The following CCDC102A variants were observed in gnomAD, a reference collection of about 807,000 sequenced individuals.
The protein encoded by CCDC102A is coiled-coil domain containing 102A, also known as coiled-coil domain-containing protein 102A.
In CCDC102A, 40 loss-of-function variants were observed where a neutral mutation model predicts 55.5. The ratio of observed to expected loss-of-function variants is 0.72; its 90% CI spans 0.56 to 0.94. The LOEUF (loss-of-function observed/expected upper bound fraction) is 0.94, where lower values mean the gene tolerates loss of function less well. CCDC102A is among the 40% of genes least tolerant of loss of function. The probability of loss-of-function intolerance (pLI) is 0.00; values close to 1 mark genes in which losing one functional copy is unlikely to be tolerated. For synonymous variants in CCDC102A, 323 were observed against 339.0 expected, an observed-to-expected ratio of 0.95 and a Z score of 0.52; for missense variants, 779 against 768.6, an observed-to-expected ratio of 1.01 and a Z score of -0.16.
Position 57,529,128 on chromosome 16 carries a change from T to A in CCDC102A, c.50A>T (p.Lys17Met). 8.4e-7 allele frequency: 1 copy of A among 1,185,002 alleles called. No homozygotes were observed. The highest frequency in any genetic ancestry group is 1.0e-6 in the Non-Finnish European group (1 of 957,480). The allele number at this position is 1,185,002 out of a possible 1,614,324, so 73.4% of individuals were successfully genotyped here. Residue 17 changes from lysine to methionine, a missense_variant, in exon 2 of 9, where the codon AAG (lysine) becomes ATG (methionine). By Grantham distance (95) the Lys-to-Met change is moderately conservative. Coordinates refer to ENST00000258214, the MANE Select transcript of CCDC102A (RefSeq NM_033212.4). The surrounding 1 kb of genome is among the most constrained non-coding windows in gnomAD (Gnocchi z 4.1). ...GCCCAGGATGGTCAGGAGGCTGCCC[T>A]TGGACAGCTGCGGGGACTCGGCCAG... ...PRLAESPQLS[K>M]GSLLTILGSP...
At chr16:57,534,641 T>C (rs1194784574) in intron 1 of CCDC102A, among the ~76,000 whole-genome samples, 5 of 152,298 alleles carry the variant, frequency 3.3e-5, no homozygotes, top group South Asian at 4.1e-4. Flanking sequence ...GGGCCCAGCA[T>C]ACAGCAGATG....
intron 3 of CCDC102A, among the ~76,000 whole-genome samples, chr16:57,525,021 C>A (rs758411676): frequency 6.6e-6 from 1 of 152,208 alleles, no homozygotes; most frequent in Non-Finnish European, 1.5e-5. Context: ...GGGCTGGATC[C>A]TCTGACCAGT....
At chr16:57,531,962 C>T (rs1401973895) in intron 1 of CCDC102A, among the ~76,000 whole-genome samples, 1 of 152,186 alleles carries the variant, frequency 6.6e-6, no homozygotes, top group African/African-American at 2.4e-5. Context: ...TGCTGCTCAG[C>T]GACCCCGCTG....
Position 57,528,851 on chromosome 16 carries a change from G to A in CCDC102A, c.327C>T (p.Ser109=). 1 of 1,343,600 alleles carries A rather than the reference G, an allele frequency of 7.4e-7. No homozygotes were observed. The highest frequency in any genetic ancestry group is 9.6e-7 in the Non-Finnish European group (1 of 1,038,624). The allele number at this position is 1,343,600 out of a possible 1,614,324, so 83.2% of individuals were successfully genotyped here. ...DCTANWREKW[S]KVRAERNRAR... ...CGCGGTTGCGCTCAGCGCGCACCTTGCTCCATTTCTCGCGCCAATTGGCAG... is the reference window on the plus strand; with the variant it reads ...CGCGGTTGCGCTCAGCGCGCACCTTACTCCATTTCTCGCGCCAATTGGCAG... Residue 109 remains serine, a synonymous_variant, in exon 2 of 9, where the codon AGC becomes AGT. Coordinates refer to ENST00000258214, the MANE Select transcript of CCDC102A (RefSeq NM_033212.4).
In CCDC102A at chr16:57,512,791, C is replaced by T; in HGVS notation, c.1603G>A (p.Gly535Arg). The T allele has an allele frequency of 6.2e-7, 1 of 1,614,164 alleles. No homozygotes were observed. The highest frequency in any genetic ancestry group is 8.5e-7 in the Non-Finnish European group (1 of 1,179,988). The change falls in exon 9 of 9, where the codon GGA becomes AGA. Residue 535 changes from glycine (G) to arginine (R), a missense_variant. Transcript: ENST00000258214. ...ARFGTEEAED[G>R]TSDLDEDEDL... Reference sequence around the variant, plus strand: ...TCGTCCTCGTCCAGGTCACTGGTTCCATCCTCGGCCTCCTCGGTGCCAAAG... The same window carrying T: ...TCGTCCTCGTCCAGGTCACTGGTTCTATCCTCGGCCTCCTCGGTGCCAAAG...
At chr16:57,535,627 A>AC (rs1227736175) in intron 1 of CCDC102A, among the ~76,000 whole-genome samples, 4 of 126,878 alleles carry the variant, frequency 3.2e-5, no homozygotes, top group Non-Finnish European at 6.7e-5. Context: ...ACCCAGCCCC[A>AC]CCCCGACCCC....
intron 1 of CCDC102A, among the ~76,000 whole-genome samples, chr16:57,533,716 G>A (rs12924156): frequency 0.02 from 2,975 of 149,458 alleles, 48 homozygotes; most frequent in Non-Finnish European, 0.032. Context: ...ATACAGCCCC[G>A]GTAATGCACA....
intron 1 of CCDC102A, among the ~76,000 whole-genome samples, chr16:57,530,591 A>G (rs1201099453): frequency 1.3e-5 from 2 of 151,822 alleles, no homozygotes; most frequent in African/African-American, 4.8e-5. Flanking sequence ...CAGATGATCT[A>G]TCGTCATGAT....
At position 57,528,986 on chromosome 16, in the gene CCDC102A, C is replaced by T. The variant is rs754271790; in HGVS notation, c.192G>A (p.Leu64=). Residue 64 remains leucine, a synonymous_variant, in exon 2 of 9, where the codon CTG becomes CTA. Coordinates refer to ENST00000258214, the MANE Select transcript of CCDC102A (RefSeq NM_033212.4). ...ALPLPPAPAL[L]ADGDWESREE... ...CGCGGCTCTCCCAGTCGCCGTCGGC[C>T]AGCAGCGCGGGCGCGGGGGGCAGGG... 21 of 1,209,086 alleles carry T rather than the reference C, an allele frequency of 1.7e-5. No individual in the cohort carries two copies. In the African/African-American group the frequency reaches 3.5e-4, roughly 20 times the overall value. The allele number at this position is 1,209,086 out of a possible 1,614,324, so 74.9% of individuals were successfully genotyped here. A position where few individuals can be genotyped will look rare whatever the true frequency, so the allele number is the denominator to read the frequency against.
intron 8 of CCDC102A, among the ~76,000 whole-genome samples, chr16:57,514,942 C>T (rs562628528): frequency 1.1e-4 from 16 of 152,160 alleles, no homozygotes; most frequent in Non-Finnish European, 1.6e-4. Flanking sequence ...GGCCCCTCCA[C>T]GAGTCCCTGC....
Position 57,518,749 on chromosome 16 carries a change from G to T in CCDC102A, c.922-8C>A. On this transcript the variant is annotated splice_region_variant and splice_polypyrimidine_tract_variant and intron_variant, in intron 4 of 8. Transcript: ENST00000258214. ...CTCCTTCAGGATGCTGAGCTGCAGG[G>T]ATAAGGCCCCACCTGGTCATGAGAA... The T allele has an allele frequency of 6.3e-7, 1 of 1,590,836 alleles. No homozygotes were observed. The highest frequency in any genetic ancestry group is 1.1e-5 in the South Asian group (1 of 88,328).
intron 3 of CCDC102A, among the ~76,000 whole-genome samples, chr16:57,524,755 C>T (rs966605619): frequency 9.3e-5 from 14 of 151,106 alleles, no homozygotes; most frequent in African/African-American, 3.2e-4. Context: ...ATGCTATTGT[C>T]GTATTTAATT....
chr16:57,514,317 G>A lies in CCDC102A; in HGVS notation c.1523+1024C>T, dbSNP rs114187101. ...TGAGCTCAAGTGATCCTCCTGCCTC[G>A]GTCTCCCAAGTAGCTGGAACTACAG... On this transcript the variant is annotated intron_variant, in intron 8 of 8. Coordinates refer to ENST00000258214, the MANE Select transcript of CCDC102A (RefSeq NM_033212.4). Among the ~76,000 whole-genome samples, 548 of 152,036 alleles carry A rather than the reference G, an allele frequency of 3.6e-3. 5 individuals carry two copies. The highest frequency in any genetic ancestry group is 0.013 in the African/African-American group (528 of 41,418).
Position 57,529,247 on chromosome 16 carries a change from G to A in CCDC102A, c.-70C>T. ...AGGGGCGGCTCCGGGGACGCGCGGC[G>A]GGCGCGATACAACTGTGCATGATGA... On this transcript the variant is annotated 5_prime_UTR_variant, in exon 2 of 9. Transcript: ENST00000258214. This position sits in a 1 kb window ranked among gnomAD's most constrained non-coding sequence, Gnocchi z 4.1. 1 of 1,128,226 alleles carries A rather than the reference G, an allele frequency of 8.9e-7. No individual in the cohort carries two copies. 69.9% of individuals were successfully genotyped at this position (1,128,226 alleles called of 1,614,324 possible).
At chr16:57,528,509 C>T (rs1248139626) in intron 2 of CCDC102A, 84 bp downstream of exon 2, 1 of 993,226 alleles carries the variant, frequency 1.0e-6, no homozygotes, top group Non-Finnish European at 1.2e-6. Flanking sequence ...CCTTTACTAG[C>T]TTGTTTCTGA....
chr16:57,531,887 A>T (rs1436053766), intron 1 of CCDC102A, among the ~76,000 whole-genome samples: 1 of 152,218 alleles, frequency 6.6e-6, no homozygotes. Flanking sequence ...CAGGCATTGG[A>T]GGTCTACACC....
At chr16:57,520,177 C>T (rs1485771898) in intron 4 of CCDC102A, among the ~76,000 whole-genome samples, 2 of 152,172 alleles carry the variant, frequency 1.3e-5, no homozygotes. Flanking sequence ...CTACAAGGCC[C>T]CCTCCTGCGG....
chr16:57,528,530 T>A lies in CCDC102A; in HGVS notation c.585+63A>T, dbSNP rs374876881. ...CTAGCTTGTTTCTGAGCCCAGCAGC[T>A]CAGGACAATCGGCCCCGCCCACTTC... On this transcript the variant is annotated intron_variant, in intron 2 of 8. Transcript: ENST00000258214. The A allele has an allele frequency of 2.1e-5, 23 of 1,088,708 alleles. No individual in the cohort carries two copies. The East Asian group carries it at 6.7e-4, about 32-fold the overall frequency. 67.4% of individuals were successfully genotyped at this position (1,088,708 alleles called of 1,614,324 possible).
At chr16:57,517,931 C>T in intron 6 of CCDC102A, 137 bp downstream of exon 6, 2 of 1,001,434 alleles carry the variant, frequency 2.0e-6, no homozygotes. Context: ...TAATTACCAA[C>T]TGGTCTAGCA....
Sources: gnomAD v4.1 joint callset for allele counts (sites outside exome capture counted in the v4.1 genomes callset) on GRCh38, gnomAD v4.1.1 for gene constraint, Gnocchi (gnomAD v3.1) non-coding constraint, MANE v1.5 for transcripts, NCBI Gene and HGNC (gene_info 2026-07-23, HGNC 2026-07-21) for gene names.